KIF6: variants seen among roughly 807,000 people sequenced by gnomAD.
KIF6 encodes kinesin-like protein KIF6.
A neutral mutation model predicts 112.7 loss-of-function variants in KIF6; 106 were observed. That is an observed-to-expected ratio of 0.94 (90% CI 0.80 to 1.11). The LOEUF is 1.11. Among genes scored for constraint, KIF6 ranks in the 50% least tolerant of loss-of-function variants. The probability of loss-of-function intolerance (pLI) is 0.00; values close to 1 mark genes in which losing one functional copy is unlikely to be tolerated. For synonymous variants in KIF6, 339 were observed against 339.9 expected, an observed-to-expected ratio of 1.00 and a Z score of 0.03; for missense variants, 929 against 964.0, an observed-to-expected ratio of 0.96 and a Z score of 0.48.
rs768655636 is a variant in KIF6, at chr6:39,586,261, A to G, written c.990T>C (p.Asp330=). Residue 330 remains aspartate (D), a splice_region_variant and synonymous_variant, in exon 8 of 23, where the codon GAT becomes GAC. Transcript: ENST00000287152. The part of the protein sequence containing the change: ...ATLSLEKRNL[D]ESISTCRFAQ... ...TCTCCAGAAAGAAGAGCCCACATACATCAAGATTCCTTTTCTCCAAGGAGA... is the reference window on the plus strand; with the variant it reads ...TCTCCAGAAAGAAGAGCCCACATACGTCAAGATTCCTTTTCTCCAAGGAGA... 4 of 1,613,992 alleles carry G rather than the reference A, an allele frequency of 2.5e-6. No individual in the cohort carries two copies. The highest frequency in any genetic ancestry group is 1.1e-5 in the South Asian group (1 of 91,086).
At chr6:39,576,766 C>A (rs1422627588) in intron 10 of KIF6, among the ~76,000 whole-genome samples, 1 of 152,160 alleles carries the variant, frequency 6.6e-6, no homozygotes, top group East Asian at 1.9e-4. Flanking sequence ...TGTTACTGAT[C>A]TCTGGGGTGT....
At chr6:39,502,671 CAG>C (rs1354942865) in intron 13 of KIF6, among the ~76,000 whole-genome samples, 2 of 151,902 alleles carry the variant, frequency 1.3e-5, no homozygotes, top group African/African-American at 4.8e-5. Context: ...AAATGGAAAA[CAG>C]AAAAAAAGCA....
At chr6:39,653,896 C>G (rs1785618528) in intron 3 of KIF6, among the ~76,000 whole-genome samples, 2 of 152,232 alleles carry the variant, frequency 1.3e-5, no homozygotes, top group South Asian at 4.2e-4. Context: ...CAGAATAACT[C>G]TTGAGTATAG....
chr6:39,648,825 C>T (rs535954829), intron 3 of KIF6, among the ~76,000 whole-genome samples: 79 of 152,170 alleles, frequency 5.2e-4, no homozygotes, highest in Admixed American at 1.8e-3. Context: ...AGAAGTCCTG[C>T]GTAAAGGCAT....
intron 3 of KIF6, among the ~76,000 whole-genome samples, chr6:39,652,178 A>G (rs1043025068): frequency 1.3e-5 from 2 of 152,222 alleles, no homozygotes; most frequent in African/African-American, 2.4e-5. Flanking sequence ...TATGGATAGT[A>G]GAGATACAGC....
chr6:39,598,527 A>G (rs959904616), intron 6 of KIF6, among the ~76,000 whole-genome samples: 8 of 152,102 alleles, frequency 5.3e-5, no homozygotes, highest in Non-Finnish European at 1.2e-4. Flanking sequence ...CCATCAATAA[A>G]CTACTAGATA....
At chr6:39,450,407 A>G (rs1333069218) in intron 13 of KIF6, among the ~76,000 whole-genome samples, 2 of 152,250 alleles carry the variant, frequency 1.3e-5, no homozygotes, top group East Asian at 3.8e-4. Context: ...AACCTCATCT[A>G]TGCCTGAGGA....
At position 39,431,175 on chromosome 6, in the gene KIF6, C is replaced by T. The variant is rs755678467; in HGVS notation, c.1646-14G>A. On this transcript the variant is annotated splice_polypyrimidine_tract_variant and intron_variant, in intron 13 of 22. Coordinates refer to ENST00000287152, the MANE Select transcript of KIF6 (RefSeq NM_145027.6). ...CCTCTCTCATTCCTGTTTGGAGACA[C>T]AGGGAAATGGCCTCAGTCACAGCAT... is the stretch of plus-strand genomic sequence containing the variant. 3.4e-6 allele frequency: 5 copies of T among 1,456,980 alleles called. No homozygotes were observed. The South Asian group carries it at 4.6e-5, about 13-fold the overall frequency. 90.3% of individuals were successfully genotyped at this position (1,456,980 alleles called of 1,614,324 possible). A position where few individuals can be genotyped will look rare whatever the true frequency, so the allele number is the denominator to read the frequency against.
chr6:39,343,234 G>T lies in KIF6; in HGVS notation c.2428+475C>A, dbSNP rs1763443245. On this transcript the variant is annotated intron_variant, in intron 22 of 22. Transcript: ENST00000287152. This position sits in a 1 kb window ranked among gnomAD's most constrained non-coding sequence, Gnocchi z 4.1. ...CGCCACTCTTACTTCCTCTGTGATT[G>T]TTATGGTGTCCTCGGGCCTGGGCCT... The T allele has an allele frequency of 8.0e-7, 1 of 1,251,660 alleles. No homozygotes were observed. Among genetic ancestry groups the T allele is most frequent in the Non-Finnish European group, 1.0e-6 (1 of 973,206 alleles). 77.5% of individuals were successfully genotyped at this position (1,251,660 alleles called of 1,614,324 possible).
chr6:39,443,622 C>T (rs1772106206), intron 13 of KIF6, among the ~76,000 whole-genome samples: 1 of 151,898 alleles, frequency 6.6e-6, no homozygotes, highest in Admixed American at 6.6e-5. Flanking sequence ...TTTTGTATAA[C>T]TAGTAGCGAT....
intron 13 of KIF6, among the ~76,000 whole-genome samples, chr6:39,434,936 T>C (rs1322728330): frequency 1.3e-5 from 2 of 152,238 alleles, no homozygotes; most frequent in Non-Finnish European, 2.9e-5. Flanking sequence ...GAATTTCTTA[T>C]ATACTCTATA....
At chr6:39,696,474 C>G (rs1788545880) in intron 3 of KIF6, among the ~76,000 whole-genome samples, 1 of 151,998 alleles carries the variant, frequency 6.6e-6, no homozygotes, top group Non-Finnish European at 1.5e-5. Context: ...GCTTGAGTCC[C>G]TAGTGACCAG....
At chr6:39,389,787 T>C (rs1767718420) in intron 15 of KIF6, among the ~76,000 whole-genome samples, 1 of 152,114 alleles carries the variant, frequency 6.6e-6, no homozygotes, top group South Asian at 2.1e-4. Context: ...TCCCAGCACT[T>C]TGGGAGGCCA....
chr6:39,579,045 A>T (rs989563689), intron 9 of KIF6, among the ~76,000 whole-genome samples: 6 of 152,202 alleles, frequency 3.9e-5, no homozygotes, highest in African/African-American at 1.2e-4. Context: ...GTTGCTATGA[A>T]CATTATGAAT....
At chr6:39,447,050 ATTAC>A (rs890476199) in intron 13 of KIF6, among the ~76,000 whole-genome samples, 28 of 152,240 alleles carry the variant, frequency 1.8e-4, no homozygotes, top group African/African-American at 6.5e-4. Flanking sequence ...GAGTGAAAGA[ATTAC>A]TTTAACACAG....
At chr6:39,452,270 A>C (rs745381195) in intron 13 of KIF6, among the ~76,000 whole-genome samples, 18 of 152,196 alleles carry the variant, frequency 1.2e-4, no homozygotes, top group Non-Finnish European at 2.5e-4. Context: ...GATGAAGAAG[A>C]ATCTAAATTG....
At chr6:39,465,628 T>C (rs1773741030) in intron 13 of KIF6, among the ~76,000 whole-genome samples, 1 of 152,192 alleles carries the variant, frequency 6.6e-6, no homozygotes, top group African/African-American at 2.4e-5. Flanking sequence ...AAAATAAATC[T>C]GAAGCTTCTC....
At chr6:39,708,651 C>A (rs755393255) in intron 3 of KIF6, among the ~76,000 whole-genome samples, 1 of 152,150 alleles carries the variant, frequency 6.6e-6, no homozygotes, top group Non-Finnish European at 1.5e-5. Context: ...ATTTCCTACA[C>A]CCCAAGCTTT....
At chr6:39,338,397 C>A (rs925558172) in intron 22 of KIF6, among the ~76,000 whole-genome samples, 31 of 152,302 alleles carry the variant, frequency 2.0e-4, no homozygotes, top group African/African-American at 6.7e-4. Context: ...GGCTGTGAGC[C>A]CTTGGTCTTT....
Sources: gnomAD v4.1 joint callset for allele counts (sites outside exome capture counted in the v4.1 genomes callset) on GRCh38, gnomAD v4.1.1 for gene constraint, Gnocchi (gnomAD v3.1) non-coding constraint, MANE v1.5 for transcripts, NCBI Gene and HGNC (gene_info 2026-07-23, HGNC 2026-07-21) for gene names.